BCR: variants seen among roughly 807,000 people sequenced by gnomAD.
The protein encoded by BCR is BCR activator of RhoGEF and GTPase, also known as breakpoint cluster region protein.
BCR carries 58 observed loss-of-function variants against 138.6 expected under a neutral mutation model. That is an observed-to-expected ratio of 0.42 (90% CI 0.34 to 0.52). BCR has a LOEUF of 0.52. Ranked by LOEUF, BCR falls within the 20% of genes least tolerant of loss-of-function variation. The probability of loss-of-function intolerance (pLI) is 0.06; values close to 1 mark genes in which losing one functional copy is unlikely to be tolerated. For synonymous variants in BCR, 786 were observed against 730.1 expected, an observed-to-expected ratio of 1.08 and a Z score of -1.23; for missense variants, 1,599 against 1,727.2, an observed-to-expected ratio of 0.93 and a Z score of 1.32.
chr22:23,237,763 C>T (rs1394697647), intron 1 of BCR, among the ~76,000 whole-genome samples: 7 of 152,208 alleles, frequency 4.6e-5, no homozygotes, highest in Admixed American at 4.6e-4. Context: ...GTGGATGAGA[C>T]GGACCAGATT....
intron 16 of BCR, among the ~76,000 whole-genome samples, chr22:23,303,374 C>T: frequency 6.6e-6 from 1 of 152,108 alleles, no homozygotes; most frequent in Admixed American, 6.5e-5. Context: ...CATGAAGGCA[C>T]CAAGAATCCT....
intron 1 of BCR, among the ~76,000 whole-genome samples, chr22:23,204,609 G>A (rs1053259302): frequency 6.6e-6 from 1 of 152,148 alleles, no homozygotes; most frequent in African/African-American, 2.4e-5. Context: ...GGGTGGATTG[G>A]CCTCTGTGTG....
At chr22:23,238,713 A>G (rs904390710) in intron 1 of BCR, among the ~76,000 whole-genome samples, 3 of 152,116 alleles carry the variant, frequency 2.0e-5, no homozygotes, top group East Asian at 1.9e-4. Context: ...CCACAACCCC[A>G]TAAGCCTTCC....
chr22:23,282,086 G>A (rs1401600737), intron 8 of BCR, among the ~76,000 whole-genome samples: 1 of 152,238 alleles, frequency 6.6e-6, no homozygotes, highest in Admixed American at 6.5e-5. Context: ...GAAGGCGCCT[G>A]AGACCCCTCC....
At chr22:23,311,871 G>A in intron 19 of BCR, 35 bp downstream of exon 19, 1 of 1,606,996 alleles carries the variant, frequency 6.2e-7, no homozygotes, top group Non-Finnish European at 8.5e-7. Context: ...GGATGGAGGT[G>A]TGGGCAATGG....
Position 23,181,406 on chromosome 22 carries a change from C to G in BCR, c.446C>G (p.Ala149Gly). The G allele has an allele frequency of 6.4e-7, 1 of 1,569,356 alleles. No homozygotes were observed. The highest frequency in any genetic ancestry group is 1.2e-5 in the South Asian group (1 of 86,460). ...SGERDDRGPP[A>G]SVAALRSNFE... ...GAACGGGACGACCGGGGACCCCCCGCCAGCGTGGCGGCGCTCAGGTCCAAC... is the reference window on the plus strand; with the variant it reads ...GAACGGGACGACCGGGGACCCCCCGGCAGCGTGGCGGCGCTCAGGTCCAAC... Residue 149 changes from alanine to glycine, a missense_variant, in exon 1 of 23, where the codon GCC (alanine) becomes GGC (glycine). Physicochemically the swap from Ala to Gly is moderately conservative, Grantham distance 60. Around this residue, in one of 4 missense-constraint regions of BCR, gnomAD observed 806 missense variants for 635.0 expected, o/e 1.27. Transcript: ENST00000305877.
chr22:23,222,190 G>A (rs536003771), intron 1 of BCR, among the ~76,000 whole-genome samples: 1 of 152,332 alleles, frequency 6.6e-6, no homozygotes, highest in Admixed American at 6.5e-5. Context: ...CAGTCACTAT[G>A]TGCTTTGTTC....
rs1394594867 is a variant in BCR at position 23,181,857 on chromosome 22, C to T, written c.897C>T (p.Ser299=). 6.2e-7 allele frequency: 1 copy of T among 1,612,686 alleles called. No homozygotes were observed. Among genetic ancestry groups the T allele is most frequent in the African/African-American group, 1.3e-5 (1 of 74,936 alleles). ...AGGGCAAGGGCCCGCTCCTGCGCAG[C>T]CAGAGCACCTCTGAGCAGGAGAAGC... ...EGEGKGPLLR[S]QSTSEQEKRL... Residue 299 remains serine, a synonymous_variant, in exon 1 of 23, where the codon AGC becomes AGT. Coordinates refer to ENST00000305877, the MANE Select transcript of BCR (RefSeq NM_004327.4).
In BCR at chr22:23,314,012, C is replaced by T. The variant is rs200185744; in HGVS notation, c.3502C>T (p.Leu1168=). 4.3e-6 allele frequency: 7 copies of T among 1,614,054 alleles called. No individual in the cohort carries two copies. Among genetic ancestry groups the T allele is most frequent in the Middle Eastern group, 1.6e-4 (1 of 6,062 alleles). The stretch of plus-strand genomic sequence containing the variant: ...AAAGGAGAGCTGCATGCTCAACCTG[C>T]TGCTGTCCCTGCCGGAGGCCAACCT... ...VAKESCMLNL[L]LSLPEANLLT... The change falls in exon 21 of 23, where the codon CTG becomes TTG. Residue 1168 remains leucine, a synonymous_variant. Coordinates refer to ENST00000305877, the MANE Select transcript of BCR (RefSeq NM_004327.4).
At chr22:23,280,213 T>C (rs2073628189) in intron 8 of BCR, among the ~76,000 whole-genome samples, 1 of 152,174 alleles carries the variant, frequency 6.6e-6, no homozygotes, top group South Asian at 2.1e-4. Context: ...GGGAAGGCCC[T>C]GGATAGGCTG....
At chr22:23,264,013 A>T (rs567935096) in intron 4 of BCR, 1 of 894,810 alleles carries the variant, frequency 1.1e-6, no homozygotes, top group Admixed American at 1.7e-5. Flanking sequence ...GGGGTGCTGG[A>T]TGTCATATAT....
At chr22:23,313,385 C>CT (rs1252138159) in intron 20 of BCR, among the ~76,000 whole-genome samples, 2 of 152,210 alleles carry the variant, frequency 1.3e-5, no homozygotes, top group Non-Finnish European at 2.9e-5. Flanking sequence ...CAAACATGAC[C>CT]TGACCCTTAG....
At chr22:23,315,004 C>G (rs1427305283) in intron 22 of BCR, among the ~76,000 whole-genome samples, 2 of 152,194 alleles carry the variant, frequency 1.3e-5, no homozygotes, top group African/African-American at 4.8e-5. Flanking sequence ...GCAGGATAAC[C>G]AATCCCAGGT....
chr22:23,252,100 GCCACTCTGT>G (rs1260369809), intron 1 of BCR, among the ~76,000 whole-genome samples: 1 of 152,208 alleles, frequency 6.6e-6, no homozygotes, highest in Non-Finnish European at 1.5e-5. Context: ...TGTAGGATAA[GCCACTCTGT>G]CCTCCTGCGG....
At chr22:23,263,362 C>T (rs1045006692) in intron 4 of BCR, 30 of 1,218,654 alleles carry the variant, frequency 2.5e-5, no homozygotes, top group Non-Finnish European at 3.6e-5. Flanking sequence ...TCGCTCAACT[C>T]CGGCTTCACG....
chr22:23,283,913 G>A, intron 8 of BCR, 64 bp from the exon 9 acceptor site: 1 of 1,483,102 alleles, frequency 6.7e-7, no homozygotes, highest in Non-Finnish European at 9.0e-7. Flanking sequence ...GGGCTGGGAG[G>A]GCCGAACACC....
intron 4 of BCR, among the ~76,000 whole-genome samples, chr22:23,266,388 CTTT>C (rs1022294438): frequency 1.4e-5 from 2 of 143,750 alleles, no homozygotes; most frequent in Non-Finnish European, 3.1e-5. Context: ...CGCACCCTGC[CTTT>C]TTTTTTTTCC....
At chr22:23,251,961 A>T (rs2073232841) in intron 1 of BCR, among the ~76,000 whole-genome samples, 1 of 152,078 alleles carries the variant, frequency 6.6e-6, no homozygotes, top group African/African-American at 2.4e-5. Flanking sequence ...CCAGATGGCT[A>T]AGGCCTTGGA....
chr22:23,288,317 T>C (rs1272044218), intron 12 of BCR, 145 bp downstream of exon 12: 8 of 861,324 alleles, frequency 9.3e-6, no homozygotes, highest in South Asian at 6.2e-5. Context: ...AGAAAAGAAG[T>C]TGGCGACAGC....
Sources: allele counts gnomAD v4.1 joint callset (sites outside exome capture counted in the v4.1 genomes callset), GRCh38; gene constraint gnomAD v4.1.1; regional missense constraint gnomAD v4.1.1; transcripts MANE v1.5; gene names NCBI Gene and HGNC (gene_info 2026-07-23, HGNC 2026-07-21).